MTX2: variants seen among roughly 807,000 people sequenced by gnomAD.
MTX2 encodes metaxin-2.
MTX2 carries 35 observed loss-of-function variants against 42.3 expected under a neutral mutation model. The observed-to-expected ratio is 0.83, with a 90% confidence interval of 0.63 to 1.10. The LOEUF is 1.10. Among genes scored for constraint, MTX2 ranks in the 50% least tolerant of loss-of-function variants. The pLI is 0.00. For missense variants in MTX2, 307 were observed against 304.1 expected (o/e 1.01, Z -0.07); for synonymous variants, 119 against 100.9 (o/e 1.18, Z -1.08).
intron 1 of MTX2, among the ~76,000 whole-genome samples, chr2:176,285,343 A>C (rs544554652): frequency 6.6e-6 from 1 of 151,710 alleles, no homozygotes; most frequent in East Asian, 1.9e-4. Context: ...TTGAGATATA[A>C]TTTACAAACC....
chr2:176,286,050 T>C (rs1385448840), intron 1 of MTX2, among the ~76,000 whole-genome samples: 1 of 152,200 alleles, frequency 6.6e-6, no homozygotes. Context: ...TTGTTGATTA[T>C]GACCTTCTTA....
intron 1 of MTX2, among the ~76,000 whole-genome samples, chr2:176,293,498 C>T (rs754377453): frequency 6.6e-6 from 1 of 152,096 alleles, no homozygotes; most frequent in Non-Finnish European, 1.5e-5. Context: ...GTGGATCCCT[C>T]ATGAATGGCT....
intron 1 of MTX2, among the ~76,000 whole-genome samples, chr2:176,285,108 C>A (rs1693164091): frequency 6.6e-6 from 1 of 152,196 alleles, no homozygotes; most frequent in South Asian, 2.1e-4. Context: ...TGTGTGTTCA[C>A]TGACTGTAGA....
intron 3 of MTX2, among the ~76,000 whole-genome samples, chr2:176,314,040 GCTT>G (rs1353118715): frequency 2.0e-5 from 3 of 151,698 alleles, no homozygotes; most frequent in Non-Finnish European, 2.9e-5. Flanking sequence ...ACTGTGTATT[GCTT>G]CTTCTTTTTT....
intron 1 of MTX2, among the ~76,000 whole-genome samples, chr2:176,284,373 A>G (rs1338100203): frequency 1.3e-5 from 2 of 152,158 alleles, no homozygotes; most frequent in African/African-American, 4.8e-5. Context: ...TACCTGAGTT[A>G]TTGGCTTGTT....
intron 1 of MTX2, among the ~76,000 whole-genome samples, chr2:176,271,569 T>C (rs923345684): frequency 1.3e-5 from 2 of 152,162 alleles, no homozygotes; most frequent in African/African-American, 4.8e-5. Context: ...TCCCTAATAA[T>C]GTATAGCATC....
At chr2:176,273,913 T>TA (rs35060266) in intron 1 of MTX2, among the ~76,000 whole-genome samples, 20,699 of 144,944 alleles carry the variant, frequency 0.14, 1,670 homozygotes, top group South Asian at 0.3. Flanking sequence ...TAATTTTCCT[T>TA]AAAAAAAAAA....
chr2:176,318,896 C>T (rs1195749449), intron 3 of MTX2, among the ~76,000 whole-genome samples: 1 of 152,190 alleles, frequency 6.6e-6, no homozygotes, highest in African/African-American at 2.4e-5. Flanking sequence ...CCACACGTGC[C>T]TGTTGAGCAC....
At chr2:176,334,121 C>A (rs1454406021) in intron 9 of MTX2, among the ~76,000 whole-genome samples, 1 of 151,646 alleles carries the variant, frequency 6.6e-6, no homozygotes, top group Non-Finnish European at 1.5e-5. Context: ...TAATTCAGTA[C>A]CTCTGGAGTT....
intron 1 of MTX2, among the ~76,000 whole-genome samples, chr2:176,275,272 C>CTTGTCACCCAGGCTGGAGGGCAG (rs1285797144): frequency 1.3e-5 from 2 of 150,470 alleles, no homozygotes; most frequent in African/African-American, 4.9e-5. Context: ...GCATTTTACT[C>CTTGTCACCCAGGCTGGAGGGCAG]TTGTCACCCA....
At chr2:176,272,235 A>G (rs539649686) in intron 1 of MTX2, among the ~76,000 whole-genome samples, 1 of 152,300 alleles carries the variant, frequency 6.6e-6, no homozygotes, top group South Asian at 2.1e-4. Flanking sequence ...GGTGGTTACC[A>G]GAGGCTGAGG....
Position 176,281,577 on chromosome 2 carries a change from C to G in MTX2, c.40+11908C>G, listed in dbSNP as rs551245061. On this transcript the variant is annotated intron_variant, in intron 1 of 9. Transcript: ENST00000249442. ...TCTCAATTGTCCTGCAGCATCACTT[C>G]CACAATATTCTGTGGGTCACAGTGC... Among the ~76,000 whole-genome samples, 3 of 152,276 alleles carry G rather than the reference C, an allele frequency of 2.0e-5. No individual in the cohort carries two copies. The South Asian group carries it at 6.2e-4, about 32-fold the overall frequency.
intron 3 of MTX2, among the ~76,000 whole-genome samples, chr2:176,306,120 TG>T (rs1260439217): frequency 2.0e-5 from 3 of 151,750 alleles, no homozygotes; most frequent in Non-Finnish European, 4.4e-5. Flanking sequence ...TGTGTCGAAG[TG>T]ATCTCATTGT....
chr2:176,300,516 G>A (rs1052380433), intron 3 of MTX2, among the ~76,000 whole-genome samples: 1 of 152,072 alleles, frequency 6.6e-6, no homozygotes, highest in African/African-American at 2.4e-5. Context: ...ATGCTAGCCA[G>A]ATTTCAAATG....
intron 3 of MTX2, among the ~76,000 whole-genome samples, chr2:176,319,126 A>C (rs1262021634): frequency 6.6e-6 from 1 of 152,206 alleles, no homozygotes; most frequent in East Asian, 1.9e-4. Context: ...GAGTTAGCTG[A>C]GTTGTTCCAA....
chr2:176,282,134 T>TTTTTTTTTTG, intron 1 of MTX2, among the ~76,000 whole-genome samples: 1 of 134,348 alleles, frequency 7.4e-6, no homozygotes, highest in Non-Finnish European at 1.6e-5. Flanking sequence ...TAGTTTTTTT[T>TTTTTTTTTTG]TTTTTTTTTT....
chr2:176,273,825 G>T (rs1356437557), intron 1 of MTX2, among the ~76,000 whole-genome samples: 3 of 151,416 alleles, frequency 2.0e-5, no homozygotes, highest in African/African-American at 7.3e-5. Context: ...TGATTTCTCT[G>T]CTTCCAGTCT....
At position 176,328,366 on chromosome 2, in the gene MTX2, A is replaced by G; in HGVS notation, c.359A>G (p.Asn120Ser). The G allele has an allele frequency of 6.3e-7, 1 of 1,580,294 alleles. No homozygotes were observed. ...AAAGCTTACATGGAATTAGTCAACA[A>G]TATGCTGTTGACTGCAGAGGTAAAA... ...EMKAYMELVN[N>S]MLLTAELYLQ... Residue 120 changes from asparagine to serine, a missense_variant, in exon 6 of 10, where the codon AAT becomes AGT. Asn to Ser is a conservative substitution (Grantham distance 46). Transcript: ENST00000249442.
At chr2:176,319,644 C>T (rs10206076) in intron 3 of MTX2, among the ~76,000 whole-genome samples, 78,917 of 151,614 alleles carry the variant, frequency 0.52, 20,830 homozygotes, top group Admixed American at 0.63. Flanking sequence ...GGTGCGACCT[C>T]AGCTCACTGC....
Sources: gnomAD v4.1 joint callset for allele counts (sites outside exome capture counted in the v4.1 genomes callset) on GRCh38, gnomAD v4.1.1 for gene constraint, MANE v1.5 for transcripts, NCBI Gene and HGNC (gene_info 2026-07-23, HGNC 2026-07-21) for gene names.